Variants in EML5 observed in about 807,000 individuals in gnomAD.
EML5 encodes the protein EMAP like 5.
Under a neutral mutation model 250.0 loss-of-function variants are expected in EML5, and 120 were observed. That is an observed-to-expected ratio of 0.48 (90% CI 0.41 to 0.56). The LOEUF is 0.56. EML5 is among the 20% of genes least tolerant of loss of function. EML5 has a pLI of 0.00. For synonymous variants in EML5, 771 were observed against 806.5 expected (o/e 0.96, Z 0.75); for missense variants, 2,006 against 2,437.6 (o/e 0.82, Z 3.73).
chr14:88,792,192 T>C lies in EML5; in HGVS notation c.197+115A>G. 7.9e-7 allele frequency: 1 copy of C among 1,262,222 alleles called. No homozygotes were observed. The highest frequency in any genetic ancestry group is 2.8e-5 in the East Asian group (1 of 35,884). The allele number at this position is 1,262,222 out of a possible 1,614,324, so 78.2% of individuals were successfully genotyped here. A position where few individuals can be genotyped will look rare whatever the true frequency, so the allele number is the denominator to read the frequency against. ...TCGGGACCAGAGAGACAGCTGCGGA[T>C]TCCCCTCGGGGTGATGCTCCGTGCA... On this transcript the variant is annotated intron_variant, in intron 1 of 43. Coordinates refer to ENST00000554922, the MANE Select transcript of EML5 (RefSeq NM_183387.3). This position sits in a 1 kb window ranked among gnomAD's most constrained non-coding sequence, Gnocchi z 6.9.
At chr14:88,644,412 T>TG (rs2091238612) in intron 30 of EML5, 21 bp downstream of exon 30, 3 of 1,610,558 alleles carry the variant, frequency 1.9e-6, no homozygotes, top group Non-Finnish European at 2.5e-6. Flanking sequence ...TCAGTAACAC[T>TG]GGAGAGTGAG....
intron 1 of EML5, among the ~76,000 whole-genome samples, chr14:88,772,904 C>T (rs1339385343): frequency 6.6e-6 from 1 of 152,332 alleles, no homozygotes; most frequent in Admixed American, 6.5e-5. Context: ...GGAATGACCT[C>T]CCAAATCTTT....
chr14:88,661,663 A>T lies in EML5; in HGVS notation c.3666T>A (p.Tyr1222Ter), dbSNP rs752780257. The change falls in exon 25 of 44, where the codon TAT becomes TAA. Residue 1222 changes from tyrosine to a stop codon, truncating the protein, a stop_gained. Coordinates refer to ENST00000554922, the MANE Select transcript of EML5 (RefSeq NM_183387.3). LOFTEE classifies it high-confidence loss of function. ...AAAGAAAAACACATACTTTAGTAGG[A>T]TATCTAAATAACTTCACAAATCCCA... ...DDLGFVKLFRYPTKGKFGKFK... is the reference protein window; with the variant it reads ...DDLGFVKLFR The T allele has an allele frequency of 1.2e-6, 2 of 1,612,170 alleles. No individual in the cohort carries two copies. Among genetic ancestry groups the T allele is most frequent in the Non-Finnish European group, 1.7e-6 (2 of 1,179,206 alleles).
chr14:88,687,765 C>CA (rs71456657), intron 18 of EML5, among the ~76,000 whole-genome samples: 26,021 of 151,112 alleles, frequency 0.17, 2,936 homozygotes, highest in African/African-American at 0.32. Context: ...TAAAAAAAAA[C>CA]AAAAAAAACA....
Position 88,745,046 on chromosome 14 carries a change from G to A in EML5, c.457-955C>T, listed in dbSNP as rs188738229. ...CATTGACAGTGTCATATTTTGTAAC[G>A]GGTCTATTTATATAAATTCCAAATA... On this transcript the variant is annotated intron_variant, in intron 3 of 43. Coordinates refer to ENST00000554922, the MANE Select transcript of EML5 (RefSeq NM_183387.3). Among the ~76,000 whole-genome samples, 75 of 151,990 alleles carry A rather than the reference G, an allele frequency of 4.9e-4. No homozygotes were observed. The East Asian group carries it at 0.011, about 22-fold the overall frequency.
intron 37 of EML5, chr14:88,621,905 CT>C (rs1169811516): frequency 2.2e-6 from 1 of 456,008 alleles, no homozygotes; most frequent in Non-Finnish European, 4.4e-6. Flanking sequence ...TTGTAAATAC[CT>C]GAAAATACAT....
chr14:88,694,222 G>C, intron 17 of EML5, 85 bp downstream of exon 17: 5 of 842,678 alleles, frequency 5.9e-6, no homozygotes, highest in Non-Finnish European at 9.7e-6. Context: ...ATGCAGTCTA[G>C]GGTACACACT....
intron 17 of EML5, among the ~76,000 whole-genome samples, chr14:88,692,108 C>T (rs1487111610): frequency 6.6e-6 from 1 of 152,114 alleles, no homozygotes; most frequent in Non-Finnish European, 1.5e-5. Flanking sequence ...GGCACGGTGG[C>T]TCATGTCTGT....
intron 17 of EML5, among the ~76,000 whole-genome samples, chr14:88,693,638 AT>A (rs1451553975): frequency 2.0e-5 from 3 of 152,194 alleles, no homozygotes; most frequent in African/African-American, 7.2e-5. Flanking sequence ...AAATGCATCA[AT>A]ACAACAGTAA....
At chr14:88,700,863 A>G (rs2093193853) in intron 14 of EML5, among the ~76,000 whole-genome samples, 1 of 152,204 alleles carries the variant, frequency 6.6e-6, no homozygotes, top group South Asian at 2.1e-4. Context: ...TTTAACCTCT[A>G]CCTACCCTCC....
intron 1 of EML5, among the ~76,000 whole-genome samples, chr14:88,779,740 G>C (rs530457296): frequency 1.4e-4 from 22 of 152,262 alleles, no homozygotes; most frequent in African/African-American, 5.1e-4. Context: ...CTTGAGGAAT[G>C]AATTTTAAGA....
chr14:88,775,444 T>C (rs987996622), intron 1 of EML5, among the ~76,000 whole-genome samples: 3 of 151,618 alleles, frequency 2.0e-5, no homozygotes, highest in African/African-American at 7.3e-5. Context: ...TTATGAGCCC[T>C]TGGGCCTTAA....
chr14:88,774,135 GAAAACAA>G (rs879668112), intron 1 of EML5, among the ~76,000 whole-genome samples: 57 of 152,136 alleles, frequency 3.7e-4, no homozygotes, highest in Non-Finnish European at 5.1e-4. Context: ...GCAAAAAACA[GAAAACAA>G]AAAACAAAAA....
chr14:88,785,195 G>A (rs1029819751), intron 1 of EML5, among the ~76,000 whole-genome samples: 1 of 152,170 alleles, frequency 6.6e-6, no homozygotes, highest in African/African-American at 2.4e-5. Flanking sequence ...GGAAAGGGTC[G>A]TGGAGGACTC....
intron 34 of EML5, 29 bp downstream of exon 34, chr14:88,627,617 T>A (rs759195609): frequency 1.5e-5 from 24 of 1,566,808 alleles, no homozygotes; most frequent in East Asian, 1.1e-4. Context: ...CTTGTTTTTT[T>A]AAAAATCAAA....
rs1480052466 is a variant in EML5, at chr14:88,625,012, G to A, written c.4856C>T (p.Thr1619Ile). 6.2e-7 allele frequency: 1 copy of A among 1,613,718 alleles called. No homozygotes were observed. Among genetic ancestry groups the A allele is most frequent in the Admixed American group, 1.7e-5 (1 of 60,010 alleles). ...HNGPVFAMYT[T>I]LRDGLIVTGG... ...AGTCACGATAAGTCCATCTCGCAGG[G>A]TGGTGTACATGGCAAACACAGGCCC... The change falls in exon 36 of 44, where the codon ACC (threonine) becomes ATC (isoleucine). Residue 1619 changes from threonine to isoleucine, a missense_variant. Physicochemically the swap from Thr to Ile is moderately conservative, Grantham distance 89. This residue lies in a region of EML5 where 405 missense variants were observed against 523.3 expected (regional missense o/e 0.77). Transcript: ENST00000554922.
Position 88,705,505 on chromosome 14 carries a change from T to C in EML5, c.1909A>G (p.Thr637Ala). The C allele has an allele frequency of 1.2e-6, 2 of 1,602,598 alleles. No individual in the cohort carries two copies. The highest frequency in any genetic ancestry group is 1.3e-5 in the African/African-American group (1 of 74,870). ...ACCTGTCGACGGTAGGTGAGCTGTG[T>C]CTCTTGTTCAATTTCAGAATCCAGT... is the stretch of plus-strand genomic sequence containing the variant. ...PELDSEIEQE[T>A]QLTYRRQVYK... is the part of the protein sequence containing the mutation. The change falls in exon 12 of 44, where the codon ACA becomes GCA. Residue 637 changes from threonine (T) to alanine (A), a missense_variant. Thr to Ala is a moderately conservative substitution (Grantham distance 58). This residue lies in a region of EML5 where 1,375 missense variants were observed against 1,590.3 expected (regional missense o/e 0.86). Coordinates refer to ENST00000554922, the MANE Select transcript of EML5 (RefSeq NM_183387.3).
intron 20 of EML5, among the ~76,000 whole-genome samples, chr14:88,683,413 A>G (rs1262873341): frequency 6.6e-6 from 1 of 152,244 alleles, no homozygotes; most frequent in Non-Finnish European, 1.5e-5. Context: ...TATGCTACCA[A>G]TTAAAGGAGT....
chr14:88,619,258 G>A (rs139808502), intron 39 of EML5: 2,871 of 152,906 alleles, frequency 0.019, 85 homozygotes, highest in African/African-American at 0.063. Flanking sequence ...CCATCTACTC[G>A]GGAGGCTGAA....
Sources: allele counts gnomAD v4.1 joint callset (sites outside exome capture counted in the v4.1 genomes callset), GRCh38; gene constraint gnomAD v4.1.1; regional missense constraint gnomAD v4.1.1; non-coding constraint Gnocchi (gnomAD v3.1); transcripts MANE v1.5; gene names NCBI Gene and HGNC (gene_info 2026-07-23, HGNC 2026-07-21).